CHD1: variants seen among roughly 807,000 people sequenced by gnomAD.
CHD1 encodes chromodomain helicase DNA binding protein 1.
Under a neutral mutation model 224.2 loss-of-function variants are expected in CHD1, and 36 were observed. The ratio of observed to expected loss-of-function variants is 0.16; its 90% CI spans 0.12 to 0.21. The LOEUF (loss-of-function observed/expected upper bound fraction) is 0.21, where lower values mean the gene tolerates loss of function less well. CHD1 is among the 10% of genes least tolerant of loss of function. The pLI, the probability that CHD1 is intolerant of heterozygous loss-of-function variation, is 1.00. For missense variants in CHD1, 1,378 were observed against 1,994.8 expected, an observed-to-expected ratio of 0.69 and a Z score of 5.89; for synonymous variants, 668 against 658.3, an observed-to-expected ratio of 1.01 and a Z score of -0.23.
intron 2 of CHD1, among the ~76,000 whole-genome samples, chr5:98,921,409 T>TA (rs1170840907): frequency 6.6e-6 from 1 of 152,184 alleles, no homozygotes; most frequent in Non-Finnish European, 1.5e-5. Context: ...TATATGAACT[T>TA]AATACATAAG....
chr5:98,903,329 G>T (rs1002286123), intron 4 of CHD1, among the ~76,000 whole-genome samples: 1 of 152,050 alleles, frequency 6.6e-6, no homozygotes, highest in Non-Finnish European at 1.5e-5. Flanking sequence ...TTTCCTGAAT[G>T]TTTTTGTGCA....
chr5:98,858,329 A>G lies in CHD1; in HGVS notation c.4638T>C (p.Ser1546=). The part of the protein sequence containing the change: ...HDDSSRDSYS[S]DRHLTQYHDH... ...CATGGTACTGAGTTAAGTGTCTATC[A>G]GAGGAATAACTGTCCCTGCTGCTAT... The change falls in exon 35 of 36, where the codon TCT becomes TCC. Residue 1546 remains serine, a synonymous_variant. Coordinates refer to ENST00000614616, the MANE Select transcript of CHD1 (RefSeq NM_001270.4). 2.5e-6 allele frequency: 4 copies of G among 1,613,310 alleles called. No individual in the cohort carries two copies. The highest frequency in any genetic ancestry group is 3.4e-6 in the Non-Finnish European group (4 of 1,179,354).
chr5:98,902,948 T>C lies in CHD1; in HGVS notation c.389A>G (p.Glu130Gly). ...SGSEEDSSSS[E>G]DSDDSSSEVK... The stretch of plus-strand genomic sequence containing the variant: ...CTCACTTGATGAGTCATCGGAATCT[T>C]CACTGCTAGAGGAATCCTGTAGAAA... The change falls in exon 5 of 36, where the codon GAA becomes GGA. Residue 130 changes from glutamate to glycine, a missense_variant. Around this residue, in one of 16 missense-constraint regions of CHD1, gnomAD observed 306 missense variants for 298.1 expected, o/e 1.03. Coordinates refer to ENST00000614616, the MANE Select transcript of CHD1 (RefSeq NM_001270.4). The C allele has an allele frequency of 6.2e-7, 1 of 1,601,484 alleles. No individual in the cohort carries two copies. Among genetic ancestry groups the C allele is most frequent in the Non-Finnish European group, 8.5e-7 (1 of 1,170,472 alleles).
In CHD1 at chr5:98,886,697, C is replaced by T. The variant is rs149754832; in HGVS notation, c.2497-1048G>A. ...GTTTAAATGAAGTGCTCTTAATTAT[C>T]ACCTACTCAAAGTAGGAAAACATGT... On this transcript the variant is annotated intron_variant, in intron 17 of 35. Transcript: ENST00000614616. 3.3e-5 allele frequency among the ~76,000 whole-genome samples: 5 copies of T among 152,216 alleles called. No homozygotes were observed. The East Asian group carries it at 9.6e-4, about 29-fold the overall frequency.
intron 35 of CHD1, among the ~76,000 whole-genome samples, chr5:98,857,478 G>A (rs946496538): frequency 2.0e-5 from 3 of 151,952 alleles, no homozygotes; most frequent in Admixed American, 6.6e-5. Flanking sequence ...GGTTCTCAAA[G>A]AAATTATTGT....
chr5:98,893,376 A>ATT (rs1751144485), intron 14 of CHD1, 40 bp downstream of exon 14: 1 of 1,384,832 alleles, frequency 7.2e-7, no homozygotes, highest in Non-Finnish European at 9.8e-7. Context: ...ACTAAACATA[A>ATT]TATCCACACA....
At chr5:98,917,318 CTTAA>C (rs1376503031) in intron 2 of CHD1, among the ~76,000 whole-genome samples, 4 of 65,688 alleles carry the variant, frequency 6.1e-5, no homozygotes, top group Admixed American at 1.2e-4. Context: ...AAAACAACCT[CTTAA>C]TTAATATTGG....
chr5:98,893,335 C>T (rs1751140434), intron 14 of CHD1, 81 bp downstream of exon 14: 2 of 923,830 alleles, frequency 2.2e-6, no homozygotes, highest in Non-Finnish European at 3.1e-6. Context: ...AATAAAAACT[C>T]TTACTGACCT....
chr5:98,881,385 GA>G lies in CHD1; in HGVS notation c.2868-11del. On this transcript the variant is annotated splice_polypyrimidine_tract_variant and intron_variant, in intron 20 of 35. Coordinates refer to ENST00000614616, the MANE Select transcript of CHD1 (RefSeq NM_001270.4). The stretch of plus-strand genomic sequence containing the variant: ...ATTGAAAGGAGTAGAACTAAAACAG[GA>G]AAAACAAAAATGCTTAACATTAACA... 1 of 1,380,170 alleles carries G rather than the reference GA, an allele frequency of 7.2e-7. No homozygotes were observed. Among genetic ancestry groups the G allele is most frequent in the Non-Finnish European group, 9.8e-7 (1 of 1,018,296 alleles). The allele number at this position is 1,380,170 out of a possible 1,614,324, so 85.5% of individuals were successfully genotyped here.
chr5:98,921,888 A>G (rs2112652294), intron 2 of CHD1, among the ~76,000 whole-genome samples: 1 of 152,354 alleles, frequency 6.6e-6, no homozygotes. Flanking sequence ...GCAGTGGCTC[A>G]TGCCTGTAAT....
intron 19 of CHD1, among the ~76,000 whole-genome samples, chr5:98,882,521 A>C (rs1468738881): frequency 6.6e-6 from 1 of 152,090 alleles, no homozygotes; most frequent in Non-Finnish European, 1.5e-5. Context: ...ACTACTCCCC[A>C]AGTTAATAAG....
At chr5:98,927,885 GCA>G (rs1753584054) in intron 1 of CHD1, among the ~76,000 whole-genome samples, 1 of 152,040 alleles carries the variant, frequency 6.6e-6, no homozygotes, top group Admixed American at 6.5e-5. Flanking sequence ...AGCTCCAAGC[GCA>G]CACAGCGCTG....
rs1199480446 is a variant in CHD1 at position 98,900,988 on chromosome 5, C to A, written c.682G>T (p.Asp228Tyr). 1.1e-5 allele frequency: 18 copies of A among 1,613,834 alleles called. No individual in the cohort carries two copies. The East Asian group carries it at 3.6e-4, about 32-fold the overall frequency. ...GCTTGGCGACGAGAACTTCTTTTATCATTATCATAATCTTCTTCATCATCA... is the reference window on the plus strand; with the variant it reads ...GCTTGGCGACGAGAACTTCTTTTATAATTATCATAATCTTCTTCATCATCA... ...EDDDEEDYDN[D>Y]KRSSRRQATV... The change falls in exon 7 of 36, where the codon GAT (aspartate) becomes TAT (tyrosine). Residue 228 changes from aspartate (D) to tyrosine (Y), a missense_variant. Asp to Tyr is a radical substitution (Grantham distance 160). Transcript: ENST00000614616.
intron 2 of CHD1, among the ~76,000 whole-genome samples, chr5:98,915,544 T>A (rs1752679334): frequency 6.6e-6 from 1 of 152,192 alleles, no homozygotes; most frequent in South Asian, 2.1e-4. Context: ...ATATATACAC[T>A]GAAAAGTCAC....
rs1205213279 is a variant in CHD1, at chr5:98,899,735, G to GT, written c.860-31dup. Reference sequence around the variant, plus strand: ...AAACAAAAGCACAAGATCCTTCCATGTAATTAATTCTGTTGTAGGATTATA... The same window carrying GT: ...AAACAAAAGCACAAGATCCTTCCATGTTAATTAATTCTGTTGTAGGATTATA... On this transcript the variant is annotated intron_variant, in intron 7 of 35. Transcript: ENST00000614616. 2.0e-6 allele frequency: 3 copies of GT among 1,468,550 alleles called. No homozygotes were observed. The African/African-American group carries it at 4.2e-5, about 21-fold the overall frequency. 91.0% of individuals were successfully genotyped at this position (1,468,550 alleles called of 1,614,324 possible).
chr5:98,869,622 G>GCGCGCACACACACACA, intron 30 of CHD1, 132 bp downstream of exon 30: 1 of 676,350 alleles, frequency 1.5e-6, no homozygotes, highest in African/African-American at 2.0e-5. Flanking sequence ...ACGTGCGCGC[G>GCGCGCACACACACACA]CACACACACA....
intron 2 of CHD1, among the ~76,000 whole-genome samples, chr5:98,922,357 T>C (rs973088756): frequency 1.3e-5 from 2 of 152,220 alleles, no homozygotes; most frequent in East Asian, 3.8e-4. Context: ...CCCACATTTC[T>C]TAGTAACTAA....
chr5:98,922,791 C>G (rs1753190115), intron 2 of CHD1, among the ~76,000 whole-genome samples: 1 of 152,136 alleles, frequency 6.6e-6, no homozygotes, highest in Non-Finnish European at 1.5e-5. Flanking sequence ...GAGTTCGAGA[C>G]CAGCCTGGCC....
Position 98,871,369 on chromosome 5 carries a change from C to CAAAAAAAAAAAAAAA in CHD1, c.3862-581_3862-567dup, listed in dbSNP as rs61406690. On this transcript the variant is annotated intron_variant, in intron 28 of 35. Coordinates refer to ENST00000614616, the MANE Select transcript of CHD1 (RefSeq NM_001270.4). The stretch of plus-strand genomic sequence containing the variant: ...TTCTCCCAGTGTTTCCCATTTTAGG[C>CAAAAAAAAAAAAAAA]AAAAAAAAAAAAAAAAAAAAAAAAA... Among the ~76,000 whole-genome samples, 2 of 46,780 alleles carry CAAAAAAAAAAAAAAA rather than the reference C, an allele frequency of 4.3e-5. 1 individual carries two copies. Among genetic ancestry groups the CAAAAAAAAAAAAAAA allele is most frequent in the African/African-American group, 2.2e-4 (2 of 9,100 alleles). The allele number at this position is 46,780 out of a possible 152,430, so 30.7% of individuals were successfully genotyped here.
Sources: allele counts gnomAD v4.1 joint callset (sites outside exome capture counted in the v4.1 genomes callset), GRCh38; gene constraint gnomAD v4.1.1; regional missense constraint gnomAD v4.1.1; transcripts MANE v1.5; gene names NCBI Gene and HGNC (gene_info 2026-07-23, HGNC 2026-07-21).